Variants in RBBP8 observed in about 807,000 individuals in gnomAD.
RBBP8 encodes DNA endonuclease RBBP8.
In RBBP8, 88 loss-of-function variants were observed where a neutral mutation model predicts 108.3. The ratio of observed to expected loss-of-function variants is 0.81; its 90% confidence interval spans 0.68 to 0.97. RBBP8 has a LOEUF of 0.97. RBBP8 is among the 50% of genes least tolerant of loss of function. The probability of loss-of-function intolerance (pLI) is 0.00; values close to 1 mark genes in which losing one functional copy is unlikely to be tolerated. For synonymous variants in RBBP8, 332 were observed against 348.2 expected (o/e 0.95, Z 0.52); for missense variants, 1,023 against 1,049.0 (o/e 0.98, Z 0.34).
At chr18:22,936,713 A>G in intron 1 of RBBP8, 41 bp from the exon 2 acceptor site, 1 of 930,618 alleles carries the variant, frequency 1.1e-6, no homozygotes, top group East Asian at 2.5e-5. Context: ...GTACATAAAG[A>G]TAAATGCAAA....
intron 12 of RBBP8, 34 bp from the exon 13 acceptor site, chr18:22,996,340 T>G: frequency 6.2e-7 from 1 of 1,611,018 alleles, no homozygotes; most frequent in Non-Finnish European, 8.5e-7. Context: ...TTGAAATCAG[T>G]TTTTTAATTG....
intron 12 of RBBP8, 127 bp from the exon 13 acceptor site, chr18:22,996,247 G>A: frequency 7.0e-7 from 1 of 1,435,922 alleles, no homozygotes. Flanking sequence ...ATATATCTTA[G>A]ATATAAGTCC....
chr18:23,022,792 C>G (rs1274419816), intron 18 of RBBP8, among the ~76,000 whole-genome samples: 1 of 151,424 alleles, frequency 6.6e-6, no homozygotes, highest in Non-Finnish European at 1.5e-5. Flanking sequence ...AAGGACTCTT[C>G]AGTAATTTAT....
intron 4 of RBBP8, among the ~76,000 whole-genome samples, chr18:22,951,831 T>G (rs1167407537): frequency 6.6e-6 from 1 of 152,160 alleles, no homozygotes; most frequent in East Asian, 1.9e-4. Flanking sequence ...TACAAAAAAT[T>G]TGTTAAAGGT....
chr18:22,935,532 G>C (rs1910492050), intron 1 of RBBP8, among the ~76,000 whole-genome samples: 1 of 151,862 alleles, frequency 6.6e-6, no homozygotes, highest in Admixed American at 6.6e-5. Flanking sequence ...GTTTATTTTT[G>C]TAGCTCTTGA....
intron 4 of RBBP8, among the ~76,000 whole-genome samples, chr18:22,958,978 T>A (rs1454884424): frequency 6.6e-6 from 1 of 152,240 alleles, no homozygotes; most frequent in Non-Finnish European, 1.5e-5. Flanking sequence ...ATTCAGTTAT[T>A]TCATTTCTCT....
chr18:22,994,297 A>G (rs1452284486), intron 12 of RBBP8, among the ~76,000 whole-genome samples: 1 of 143,096 alleles, frequency 7.0e-6, no homozygotes, highest in East Asian at 2.3e-4. Context: ...TGCTGGGATT[A>G]CAGGCGTGAG....
chr18:23,014,831 A>G (rs1428181921), intron 16 of RBBP8, among the ~76,000 whole-genome samples: 2 of 152,062 alleles, frequency 1.3e-5, no homozygotes, highest in African/African-American at 4.8e-5. Flanking sequence ...TGAAGAATTC[A>G]TGGTAGGTGG....
At chr18:22,948,831 T>A in intron 3 of RBBP8, among the ~76,000 whole-genome samples, 1 of 152,188 alleles carries the variant, frequency 6.6e-6, no homozygotes, top group East Asian at 1.9e-4. Flanking sequence ...TCTAATGGGT[T>A]TTCTTAGAAT....
At chr18:22,994,612 A>G (rs1303269359) in intron 12 of RBBP8, among the ~76,000 whole-genome samples, 2 of 147,774 alleles carry the variant, frequency 1.4e-5, no homozygotes, top group Non-Finnish European at 3.0e-5. Flanking sequence ...ACTGCACTGC[A>G]CTCCAGCCTG....
chr18:22,943,148 C>T (rs1444838643), intron 2 of RBBP8, among the ~76,000 whole-genome samples: 1 of 151,882 alleles, frequency 6.6e-6, no homozygotes, highest in Admixed American at 6.6e-5. Flanking sequence ...AATTGTCCCA[C>T]TCATTATTAA....
rs1299225729 is a variant in RBBP8, at chr18:23,022,602, AAAAATAAAAT to A, written c.2596+361_2596+370del. Among the ~76,000 whole-genome samples, 23 of 92,418 alleles carry A rather than the reference AAAAATAAAAT, an allele frequency of 2.5e-4. 2 individuals are homozygous for A. Among genetic ancestry groups the A allele is most frequent in the Admixed American group, 1.6e-3 (13 of 8,210 alleles). 60.6% of individuals were successfully genotyped at this position (92,418 alleles called of 152,430 possible). On this transcript the variant is annotated intron_variant, in intron 18 of 18. Coordinates refer to ENST00000327155, the MANE Select transcript of RBBP8 (RefSeq NM_002894.3). Reference sequence around the variant, plus strand: ...GGGCGACAGAACAAGACTCTGTCTCAAAAATAAAATAAAATAAAATAAAATAAAATAAAAT... The same window carrying A: ...GGGCGACAGAACAAGACTCTGTCTCAAAAATAAAATAAAATAAAATAAAAT...
chr18:22,999,123 G>C (rs1250991432), intron 14 of RBBP8, among the ~76,000 whole-genome samples: 1 of 152,144 alleles, frequency 6.6e-6, no homozygotes, highest in African/African-American at 2.4e-5. Context: ...TTAGCACTTG[G>C]ACTAATGAGG....
intron 8 of RBBP8, 30 bp from the exon 9 acceptor site, chr18:22,989,191 T>C (rs1382551856): frequency 3.3e-6 from 5 of 1,497,070 alleles, no homozygotes; most frequent in Non-Finnish European, 4.6e-6. Flanking sequence ...GTTTTATTAT[T>C]TATTAAAATG....
At chr18:22,924,008 CCTGA>C (rs1245395412) in intron 3 of RBBP8, among the ~76,000 whole-genome samples, 2 of 152,004 alleles carry the variant, frequency 1.3e-5, no homozygotes, top group African/African-American at 4.8e-5. Flanking sequence ...TCACTCCAAT[CCTGA>C]CTGAGAAAGT....
intron 3 of RBBP8, among the ~76,000 whole-genome samples, chr18:22,917,475 A>ATATCATG (rs2144326723): frequency 6.6e-6 from 1 of 152,356 alleles, no homozygotes; most frequent in Non-Finnish European, 1.5e-5. Context: ...ATTAAATGAG[A>ATATCATG]TATCATGTAA....
At chr18:22,974,682 A>G (rs1470410364) in intron 5 of RBBP8, among the ~76,000 whole-genome samples, 2 of 151,610 alleles carry the variant, frequency 1.3e-5, no homozygotes, top group South Asian at 2.1e-4. Context: ...CTGGTCTCGA[A>G]CTCCTCACCT....
intron 14 of RBBP8, among the ~76,000 whole-genome samples, chr18:22,999,296 G>A (rs2045908744): frequency 6.6e-6 from 1 of 152,164 alleles, no homozygotes; most frequent in East Asian, 1.9e-4. Flanking sequence ...GGTCAGTTCT[G>A]TTTCAGGGTC....
intron 4 of RBBP8, among the ~76,000 whole-genome samples, chr18:22,960,075 C>T (rs1567961237): frequency 1.3e-5 from 2 of 151,606 alleles, no homozygotes; most frequent in African/African-American, 2.4e-5. Context: ...TATATTTTTT[C>T]GTAGAGACGG....
Sources: allele counts gnomAD v4.1 joint callset (sites outside exome capture counted in the v4.1 genomes callset), GRCh38; gene constraint gnomAD v4.1.1; transcripts MANE v1.5; gene names NCBI Gene and HGNC (gene_info 2026-07-23, HGNC 2026-07-21).